TMEM11: variants seen among roughly 807,000 people sequenced by gnomAD.
The protein encoded by TMEM11 is transmembrane protein 11.
Under a neutral mutation model 17.0 loss-of-function variants are expected in TMEM11, and 1 was observed. The observed-to-expected ratio is 0.06, with a 90% CI of 0.02 to 0.28. The LOEUF (loss-of-function observed/expected upper bound fraction) is 0.28. TMEM11 is among the 10% of genes least tolerant of loss of function. The pLI is 1.00. For synonymous variants in TMEM11, 122 were observed against 118.1 expected, an observed-to-expected ratio of 1.03 and a Z score of -0.21; for missense variants, 172 against 252.9, an observed-to-expected ratio of 0.68 and a Z score of 2.17.
rs751264404 is a variant in TMEM11, at chr17:21,214,132, C to T, written c.21G>A (p.Arg7=). 10 of 1,612,438 alleles carry T rather than the reference C, an allele frequency of 6.2e-6. No individual in the cohort carries two copies. Among genetic ancestry groups the T allele is most frequent in the Non-Finnish European group, 7.6e-6 (9 of 1,179,672 alleles). The part of the protein sequence containing the change: MAAWGR[R]RLGPGSSGGS... ...CGCCACTGCTGCCCGGGCCAAGACGCCTCCTTCCCCAAGCGGCCATCTTGG... is the reference window on the plus strand; with the variant it reads ...CGCCACTGCTGCCCGGGCCAAGACGTCTCCTTCCCCAAGCGGCCATCTTGG... Residue 7 remains arginine (R), a synonymous_variant, in exon 1 of 2, where the codon AGG becomes AGA. Coordinates refer to ENST00000317635, the MANE Select transcript of TMEM11 (RefSeq NM_003876.3).
chr17:21,200,022 C>T (rs769281629), intron 1 of TMEM11, among the ~76,000 whole-genome samples: 45 of 152,346 alleles, frequency 3.0e-4, no homozygotes, highest in African/African-American at 9.4e-4. Flanking sequence ...AACACTGCCA[C>T]GGAGACCACA....
In TMEM11 at chr17:21,210,798, G is replaced by A. The variant is rs558301829; in HGVS notation, c.62+3293C>T. On this transcript the variant is annotated intron_variant, in intron 1 of 1. Coordinates refer to ENST00000317635, the MANE Select transcript of TMEM11 (RefSeq NM_003876.3). ...GGCAGGCCACAACAAATAACTTCGC[G>A]CTAAACCTGAACTTTTAGCCCCGTG... The A allele has an allele frequency of 4.1e-4, 378 of 926,404 alleles. 1 individual carries two copies. The Middle Eastern group carries it at 9.5e-3, about 23-fold the overall frequency. 57.4% of individuals were successfully genotyped at this position (926,404 alleles called of 1,614,324 possible).
At chr17:21,209,173 C>T (rs1974975939) in intron 1 of TMEM11, among the ~76,000 whole-genome samples, 1 of 152,248 alleles carries the variant, frequency 6.6e-6, no homozygotes, top group African/African-American at 2.4e-5. Context: ...GGACACTTTC[C>T]TATTCTGCGC....
intron 1 of TMEM11, among the ~76,000 whole-genome samples, chr17:21,212,331 A>T (rs1306347306): frequency 6.6e-6 from 1 of 152,094 alleles, no homozygotes; most frequent in Admixed American, 6.6e-5. Flanking sequence ...CAAGCAGGCA[A>T]ATGCATTGAG....
chr17:21,205,148 G>C (rs1191704204), intron 1 of TMEM11, among the ~76,000 whole-genome samples: 1 of 152,052 alleles, frequency 6.6e-6, no homozygotes, highest in African/African-American at 2.4e-5. Flanking sequence ...GCAACTCCAC[G>C]GCCCCTCTGG....
chr17:21,208,722 G>A (rs1419667292), intron 1 of TMEM11, among the ~76,000 whole-genome samples: 1 of 152,224 alleles, frequency 6.6e-6, no homozygotes, highest in African/African-American at 2.4e-5. Flanking sequence ...CAGGCCTGAA[G>A]CTCCATGAGG....
intron 1 of TMEM11, among the ~76,000 whole-genome samples, chr17:21,209,350 C>G (rs1040191389): frequency 6.6e-6 from 1 of 152,224 alleles, no homozygotes; most frequent in Non-Finnish European, 1.5e-5. Flanking sequence ...CAAACGGGGC[C>G]AGAGGCCCTG....
At chr17:21,208,820 T>C (rs549149433) in intron 1 of TMEM11, among the ~76,000 whole-genome samples, 1 of 152,318 alleles carries the variant, frequency 6.6e-6, no homozygotes, top group East Asian at 1.9e-4. Flanking sequence ...GGGACATTTG[T>C]AATGATTACA....
intron 1 of TMEM11, chr17:21,210,796 G>A (rs1567637629): frequency 1.1e-5 from 10 of 897,950 alleles, no homozygotes; most frequent in South Asian, 1.8e-5. Context: ...AAATAACTTC[G>A]CGCTAAACCT....
chr17:21,205,148 G>A (rs1191704204), intron 1 of TMEM11, among the ~76,000 whole-genome samples: 2 of 152,052 alleles, frequency 1.3e-5, no homozygotes, highest in East Asian at 1.9e-4. Flanking sequence ...GCAACTCCAC[G>A]GCCCCTCTGG....
intron 1 of TMEM11, chr17:21,210,924 AG>A (rs1974996157): frequency 3.1e-6 from 4 of 1,274,744 alleles, no homozygotes; most frequent in Non-Finnish European, 3.1e-6. Flanking sequence ...AAGAGCACAC[AG>A]CTATACTCAC....
rs117403206 is a variant in TMEM11 at position 21,210,618 on chromosome 17, G to A, written c.62+3473C>T. 4.8e-4 allele frequency among the ~76,000 whole-genome samples: 73 copies of A among 152,328 alleles called. 2 individuals carry two copies. In the East Asian group the frequency reaches 0.013, roughly 27 times the overall value. On this transcript the variant is annotated intron_variant, in intron 1 of 1. Coordinates refer to ENST00000317635, the MANE Select transcript of TMEM11 (RefSeq NM_003876.3). Reference sequence around the variant, plus strand: ...TGCTCCATCTGCTCACTGGATGAACGTGTAAGGGCCACCTGGGACCAGGCA... The same window carrying A: ...TGCTCCATCTGCTCACTGGATGAACATGTAAGGGCCACCTGGGACCAGGCA...
chr17:21,200,737 T>C (rs1423350048), intron 1 of TMEM11, among the ~76,000 whole-genome samples: 1 of 152,204 alleles, frequency 6.6e-6, no homozygotes, highest in Non-Finnish European at 1.5e-5. Flanking sequence ...CTTCCTTTCA[T>C]GGCTAACGAG....
At chr17:21,206,307 C>T (rs1020919311) in intron 1 of TMEM11, among the ~76,000 whole-genome samples, 2 of 152,126 alleles carry the variant, frequency 1.3e-5, no homozygotes, top group African/African-American at 4.8e-5. Flanking sequence ...CTGCAACCTC[C>T]GCCTCCCGGG....
At chr17:21,211,238 T>C (rs976420561) in intron 1 of TMEM11, 1 of 1,287,110 alleles carries the variant, frequency 7.8e-7, no homozygotes, top group Non-Finnish European at 1.0e-6. Flanking sequence ...CTAGATTTAA[T>C]GGAGTGGAGA....
rs76711541 is a variant in TMEM11, at chr17:21,201,781, C to T, written c.63-2941G>A. ...GGACTACAGGTATGTGCCACCACGC[C>T]TGGCTGCCTGGCTAATTAAAAAAAT... On this transcript the variant is annotated intron_variant, in intron 1 of 1. Coordinates refer to ENST00000317635, the MANE Select transcript of TMEM11 (RefSeq NM_003876.3). Among the ~76,000 whole-genome samples the T allele has an allele frequency of 4.9e-3, 742 of 152,240 alleles. 1 individual carries two copies. The highest frequency in any genetic ancestry group is 8.1e-3 in the Non-Finnish European group (551 of 68,020).
At chr17:21,203,961 CTTTT>C (rs59460426) in intron 1 of TMEM11, among the ~76,000 whole-genome samples, 2,636 of 124,502 alleles carry the variant, frequency 0.021, 83 homozygotes, top group African/African-American at 0.069. Context: ...TTTTTTTTTC[CTTTT>C]TTTTTTTTTT....
At chr17:21,213,886 T>C in intron 1 of TMEM11, 4 of 517,458 alleles carry the variant, frequency 7.7e-6, no homozygotes, top group Non-Finnish European at 1.4e-5. Flanking sequence ...CTAACGCCCC[T>C]TCCCCTAAGC....
At chr17:21,199,626 T>C (rs1237880342) in intron 1 of TMEM11, among the ~76,000 whole-genome samples, 2 of 152,180 alleles carry the variant, frequency 1.3e-5, no homozygotes, top group Admixed American at 6.5e-5. Context: ...GCACGTTTCC[T>C]AAGTAGTCAT....
Sources: allele counts gnomAD v4.1 joint callset (sites outside exome capture counted in the v4.1 genomes callset), GRCh38; gene constraint gnomAD v4.1.1; transcripts MANE v1.5; gene names NCBI Gene and HGNC (gene_info 2026-07-23, HGNC 2026-07-21).